Variants in SCN2A observed in about 807,000 individuals in gnomAD.
SCN2A encodes sodium channel protein type 2 subunit alpha.
Under a neutral mutation model 188.7 loss-of-function variants are expected in SCN2A, and 20 were observed. The observed-to-expected ratio is 0.11, with a 90% CI of 0.07 to 0.15. The LOEUF is 0.15. Among genes scored for constraint, SCN2A ranks in the 10% least tolerant of loss-of-function variants. The pLI is 1.00. For missense variants in SCN2A, 1,278 were observed against 2,445.0 expected, an observed-to-expected ratio of 0.52 and a Z score of 10.07; for synonymous variants, 804 against 833.1, an observed-to-expected ratio of 0.97 and a Z score of 0.60.
At chr2:165,298,076 GGGA>G (rs1320138873) in intron 3 of SCN2A, among the ~76,000 whole-genome samples, 3 of 152,200 alleles carry the variant, frequency 2.0e-5, no homozygotes, top group Non-Finnish European at 4.4e-5. Flanking sequence ...CAGAAGTCAT[GGGA>G]GGAGGAGTGA....
chr2:165,256,009 T>C (rs951902603), intron 1 of SCN2A, among the ~76,000 whole-genome samples: 41 of 141,554 alleles, frequency 2.9e-4, no homozygotes, highest in East Asian at 1.6e-3. Context: ...TCTTTTTTTT[T>C]TTTTTTTTTT....
At chr2:165,256,444 T>A (rs1694332403) in intron 1 of SCN2A, among the ~76,000 whole-genome samples, 1 of 152,188 alleles carries the variant, frequency 6.6e-6, no homozygotes, top group South Asian at 2.1e-4. Context: ...CAATTTACTA[T>A]CTTTAATGAT....
chr2:165,342,425 T>C lies in SCN2A; in HGVS notation c.2518T>C (p.Leu840=), dbSNP rs768817318. The change falls in exon 15 of 27, where the codon TTG becomes CTG. Residue 840 remains leucine, a synonymous_variant. Transcript: ENST00000375437. The stretch of plus-strand genomic sequence containing the variant: ...GAGCCTTAGTTTAATGGAACTTGGT[T>C]TGGCAAATGTGGAAGGATTGTCAGT... ...IVSLSLMELG[L]ANVEGLSVLR... The C allele has an allele frequency of 5.0e-6, 8 of 1,613,964 alleles. 1 individual carries two copies. Among genetic ancestry groups the C allele is most frequent in the Non-Finnish European group, 6.8e-6 (8 of 1,179,986 alleles).
chr2:165,328,433 C>A, intron 13 of SCN2A: 4 of 972,620 alleles, frequency 4.1e-6, no homozygotes, highest in Non-Finnish European at 4.9e-6. Context: ...TCTGGCCTTC[C>A]GCTCCTTGCC....
At chr2:165,264,503 T>C (rs918045523) in intron 1 of SCN2A, among the ~76,000 whole-genome samples, 1 of 152,122 alleles carries the variant, frequency 6.6e-6, no homozygotes, top group African/African-American at 2.4e-5. Context: ...TCATAGTGAA[T>C]GGAGAAAAGT....
At chr2:165,266,635 T>C (rs2106097252) in intron 1 of SCN2A, 1 of 152,244 alleles carries the variant, frequency 6.6e-6, no homozygotes, top group South Asian at 2.1e-4. Context: ...TCATTATTTC[T>C]GCGTGGATTT....
chr2:165,273,510 G>A (rs1274798338), intron 1 of SCN2A: 1 of 152,036 alleles, frequency 6.6e-6, no homozygotes, highest in Non-Finnish European at 1.5e-5. Flanking sequence ...CTAAATCTTA[G>A]TCATATCTTA....
intron 20 of SCN2A, chr2:165,370,529 C>A: frequency 2.4e-6 from 1 of 416,260 alleles, no homozygotes; most frequent in Non-Finnish European, 4.3e-6. Context: ...CACTTAATTT[C>A]AAATTAATAT....
At chr2:165,373,399 A>T in intron 21 of SCN2A, 52 bp downstream of exon 21, 1 of 1,601,170 alleles carries the variant, frequency 6.2e-7, no homozygotes, top group Non-Finnish European at 8.6e-7. Context: ...GAGCAGACTG[A>T]CACTTTGTAC....
chr2:165,298,341 G>A (rs1452577443), intron 3 of SCN2A, among the ~76,000 whole-genome samples: 1 of 152,142 alleles, frequency 6.6e-6, no homozygotes, highest in Non-Finnish European at 1.5e-5. Flanking sequence ...GCCTGGTACA[G>A]GGTACTTATG....
At chr2:165,365,353 C>A in intron 18 of SCN2A, 90 bp downstream of exon 18, 1 of 1,415,612 alleles carries the variant, frequency 7.1e-7, no homozygotes, top group Non-Finnish European at 9.8e-7. Flanking sequence ...ATTTGTCTAC[C>A]ATCTATTATC....
intron 1 of SCN2A, among the ~76,000 whole-genome samples, chr2:165,253,091 G>A (rs1362538736): frequency 6.6e-6 from 1 of 152,042 alleles, no homozygotes; most frequent in Admixed American, 6.6e-5. Context: ...GCTATATGGG[G>A]AAGGGTCATT....
intron 14 of SCN2A, among the ~76,000 whole-genome samples, chr2:165,335,351 AACTT>A (rs1206186469): frequency 3.3e-5 from 5 of 151,764 alleles, no homozygotes; most frequent in Admixed American, 6.6e-5. Flanking sequence ...CAAATTTTAA[AACTT>A]ACTACAAAGC....
At chr2:165,331,307 G>A (rs923267753) in intron 13 of SCN2A, 23 bp from the exon 14 acceptor site, 8 of 1,558,276 alleles carry the variant, frequency 5.1e-6, no homozygotes, top group Non-Finnish European at 7.1e-6. Context: ...TTTTCATGAG[G>A]ATTCTAACTT....
intron 1 of SCN2A, among the ~76,000 whole-genome samples, chr2:165,244,495 T>C (rs13408794): frequency 0.18 from 27,411 of 151,894 alleles, 2,662 homozygotes; most frequent in Non-Finnish European, 0.22. Flanking sequence ...ACTACATTAA[T>C]AATAATAATG....
chr2:165,374,995 A>T, intron 22 of SCN2A, 29 bp downstream of exon 22: 2 of 1,596,064 alleles, frequency 1.3e-6, no homozygotes, highest in Non-Finnish European at 1.7e-6. Context: ...ATTTTCCATG[A>T]TGTGTAATTA....
chr2:165,317,710 A>G (rs915105825), intron 11 of SCN2A, among the ~76,000 whole-genome samples: 1 of 152,128 alleles, frequency 6.6e-6, no homozygotes, highest in Non-Finnish European at 1.5e-5. Context: ...TCATACCTCT[A>G]CATACCTCCA....
chr2:165,342,877 T>C (rs16850433), intron 15 of SCN2A, among the ~76,000 whole-genome samples: 31,473 of 152,104 alleles, frequency 0.21, 3,970 homozygotes, highest in East Asian at 0.34. Context: ...ATTGCTCACC[T>C]TGTCCCCGTA....
At position 165,354,213 on chromosome 2, in the gene SCN2A, T is replaced by C. The variant is rs1456505241; in HGVS notation, c.2941T>C (p.Leu981=). Residue 981 remains leucine (L), a synonymous_variant, in exon 17 of 27, where the codon TTG becomes CTG. Transcript: ENST00000375437. ...TCAGGTTCTGAACCTCTTCTTGGCC[T>C]TGCTTTTGAGTTCCTTCAGTTCTGA... is the stretch of plus-strand genomic sequence containing the variant. ...NLVVLNLFLA[L]LLSSFSSDNL... 1 of 1,614,008 alleles carries C rather than the reference T, an allele frequency of 6.2e-7. No homozygotes were observed. The highest frequency in any genetic ancestry group is 2.2e-5 in the East Asian group (1 of 44,860).
Sources: allele counts gnomAD v4.1 joint callset (sites outside exome capture counted in the v4.1 genomes callset), GRCh38; gene constraint gnomAD v4.1.1; transcripts MANE v1.5; gene names NCBI Gene and HGNC (gene_info 2026-07-23, HGNC 2026-07-21).